CD83: variants seen among roughly 807,000 people sequenced by gnomAD.
CD83 encodes the protein CD83 antigen.
In CD83, 22 loss-of-function variants were observed where a neutral mutation model predicts 24.6. The ratio of observed to expected loss-of-function variants is 0.90; its 90% CI spans 0.64 to 1.28. CD83 has a LOEUF of 1.28. CD83 is among the 50% of genes most tolerant of loss of function. The pLI is 0.00. For missense variants in CD83, 253 were observed against 252.8 expected (o/e 1.00, Z -0.01); for synonymous variants, 101 against 103.5 (o/e 0.98, Z 0.14).
At chr6:14,135,013 G>T in intron 4 of CD83, 95 bp from the exon 5 acceptor site, 1 of 1,286,410 alleles carries the variant, frequency 7.8e-7, no homozygotes, top group Admixed American at 1.8e-5. Flanking sequence ...AGAATGGGTT[G>T]TCTAGCCAGC....
chr6:14,126,260 T>G (rs889390176), intron 2 of CD83, among the ~76,000 whole-genome samples: 5 of 152,236 alleles, frequency 3.3e-5, no homozygotes, highest in African/African-American at 1.2e-4. Flanking sequence ...CTATTTAGTA[T>G]GCAGAATGAA....
In CD83 at chr6:14,136,808, T is replaced by C. The variant is rs1468700782; in HGVS notation, c.*1572T>C. 1 of 152,214 alleles carries C rather than the reference T, an allele frequency of 6.6e-6. No individual in the cohort carries two copies. Among genetic ancestry groups the C allele is most frequent in the Non-Finnish European group, 1.5e-5 (1 of 68,038 alleles). The allele number at this position is 152,214 out of a possible 1,614,324, so 9.4% of individuals were successfully genotyped here. A position where few individuals can be genotyped will look rare whatever the true frequency, so the allele number is the denominator to read the frequency against. On this transcript the variant is annotated 3_prime_UTR_variant, in exon 5 of 5. Coordinates refer to ENST00000379153, the MANE Select transcript of CD83 (RefSeq NM_004233.4). Reference sequence around the variant, plus strand: ...TGAACCCCCATGATGTAAGTTTACCTATGTAACAAACCTGCACTTATACCC... The same window carrying C: ...TGAACCCCCATGATGTAAGTTTACCCATGTAACAAACCTGCACTTATACCC...
At chr6:14,132,806 A>G (rs574171617) in intron 3 of CD83, among the ~76,000 whole-genome samples, 4 of 152,296 alleles carry the variant, frequency 2.6e-5, no homozygotes, top group South Asian at 4.1e-4. Flanking sequence ...ATTGGCTCCA[A>G]TGGCAGAACC....
At chr6:14,121,206 G>C (rs966348859) in intron 2 of CD83, among the ~76,000 whole-genome samples, 1 of 152,036 alleles carries the variant, frequency 6.6e-6, no homozygotes, top group African/African-American at 2.4e-5. Context: ...GTGTCACCCT[G>C]TTTCCCAAGC....
intron 4 of CD83, 56 bp from the exon 5 acceptor site, chr6:14,135,052 G>A: frequency 1.3e-6 from 2 of 1,588,490 alleles, no homozygotes; most frequent in Non-Finnish European, 1.7e-6. Flanking sequence ...AAAAGGAGGT[G>A]ACAACTGCTG....
intron 2 of CD83, among the ~76,000 whole-genome samples, chr6:14,130,719 C>T (rs377317271): frequency 1.3e-5 from 2 of 152,034 alleles, no homozygotes; most frequent in Admixed American, 6.6e-5. Context: ...GGTGATAGAG[C>T]GAGACCCTGT....
chr6:14,117,888 C>T lies in CD83; in HGVS notation c.37+40C>T, dbSNP rs759423526. 2.5e-6 allele frequency: 4 copies of T among 1,579,610 alleles called. No homozygotes were observed. Among genetic ancestry groups the T allele is most frequent in the Non-Finnish European group, 1.7e-6 (2 of 1,167,928 alleles). On this transcript the variant is annotated intron_variant, in intron 1 of 4. Transcript: ENST00000379153. The surrounding 1 kb of genome is among the most constrained non-coding windows in gnomAD (Gnocchi z 4.6). ...CGCCTGTCTCGCCTGTCGCCCCCCG[C>T]CCCTCCACGACACCCCCTCCCGTCG... is the stretch of plus-strand genomic sequence containing the variant.
intron 2 of CD83, among the ~76,000 whole-genome samples, chr6:14,128,661 C>T (rs1260134897): frequency 1.3e-5 from 2 of 152,132 alleles, no homozygotes; most frequent in African/African-American, 2.4e-5. Flanking sequence ...GATATTTTGC[C>T]ATGATCCCAC....
Position 14,131,587 on chromosome 6 carries a change from A to C in CD83, c.221A>C (p.His74Pro), listed in dbSNP as rs1159545659. 6.2e-7 allele frequency: 1 copy of C among 1,614,188 alleles called. No homozygotes were observed. Among genetic ancestry groups the C allele is most frequent in the South Asian group, 1.1e-5 (1 of 91,082 alleles). ...QEDHLRGQHY[H>P]QKGQNGSFDA... The stretch of plus-strand genomic sequence containing the variant: ...GACCACCTCAGGGGACAGCACTATC[A>C]TCAGAAGGGGCAAAATGGTTCTTTC... Residue 74 changes from histidine (H) to proline (P), a missense_variant, in exon 3 of 5, where the codon CAT (histidine) becomes CCT (proline). Coordinates refer to ENST00000379153, the MANE Select transcript of CD83 (RefSeq NM_004233.4).
chr6:14,129,556 C>T lies in CD83; in HGVS notation c.154-1964C>T, dbSNP rs1185826679. On this transcript the variant is annotated intron_variant, in intron 2 of 4. Transcript: ENST00000379153. The surrounding 1 kb of genome is among the most constrained non-coding windows in gnomAD (Gnocchi z 4.3). Reference sequence around the variant, plus strand: ...TGGGCCCCAGTCTTTTAGCTTCCTCCCATAGATTCTTGATTATTTAGGAAG... The same window carrying T: ...TGGGCCCCAGTCTTTTAGCTTCCTCTCATAGATTCTTGATTATTTAGGAAG... Among the ~76,000 whole-genome samples, 1 of 152,134 alleles carries T rather than the reference C, an allele frequency of 6.6e-6. No homozygotes were observed. The highest frequency in any genetic ancestry group is 2.4e-5 in the African/African-American group (1 of 41,418).
chr6:14,128,787 A>G (rs1196611336), intron 2 of CD83, among the ~76,000 whole-genome samples: 1 of 152,208 alleles, frequency 6.6e-6, no homozygotes, highest in African/African-American at 2.4e-5. Flanking sequence ...CCATTTAAAA[A>G]TAACTAGCGG....
chr6:14,117,740 G>C (rs1189713995), upstream of CD83: 1 of 1,132,206 alleles, frequency 8.8e-7, no homozygotes, highest in Non-Finnish European at 1.2e-6. This position sits in a 1 kb window ranked among gnomAD's most constrained non-coding sequence, Gnocchi z 4.6. Flanking sequence ...CCGAACGCGC[G>C]GGCATAAAAG....
At chr6:14,133,818 TC>T (rs1386976306) in intron 4 of CD83, 63 bp downstream of exon 4, 3 of 1,093,812 alleles carry the variant, frequency 2.7e-6, no homozygotes, top group Non-Finnish European at 4.1e-6. Context: ...AATCCAAGTA[TC>T]TCTTGCAGAT....
intron 2 of CD83, among the ~76,000 whole-genome samples, chr6:14,127,687 G>A (rs1759851881): frequency 6.6e-6 from 1 of 152,126 alleles, no homozygotes; most frequent in Non-Finnish European, 1.5e-5. Flanking sequence ...CTCCATTTGA[G>A]AGAAAGAATA....
rs756971699 is a variant in CD83, at chr6:14,135,251, G to C, written c.*15G>C. 4 of 1,612,466 alleles carry C rather than the reference G, an allele frequency of 2.5e-6. No homozygotes were observed. The highest frequency in any genetic ancestry group is 1.7e-5 in the Admixed American group (1 of 59,884). ...AACTGGTATGAGCAGGATTTCTGCA[G>C]GTTCTTCTTCCTGAAGCTGAGGCTC... On this transcript the variant is annotated 3_prime_UTR_variant, in exon 5 of 5. Transcript: ENST00000379153.
At chr6:14,131,375 C>A (rs907927129) in intron 2 of CD83, 145 bp from the exon 3 acceptor site, 11 of 629,456 alleles carry the variant, frequency 1.7e-5, no homozygotes, top group Non-Finnish European at 3.1e-5. Context: ...TTTCCTCCCC[C>A]AGAGGTCACA....
At chr6:14,118,873 C>T (rs529570479) in intron 2 of CD83, among the ~76,000 whole-genome samples, 1 of 152,188 alleles carries the variant, frequency 6.6e-6, no homozygotes, top group African/African-American at 2.4e-5. Flanking sequence ...CCACTGCTAC[C>T]ACAGCACCTC....
chr6:14,120,803 T>C (rs1759653148), intron 2 of CD83, among the ~76,000 whole-genome samples: 1 of 152,274 alleles, frequency 6.6e-6, no homozygotes, highest in Admixed American at 6.5e-5. Context: ...AACCATGTGT[T>C]TTTTATCATA....
chr6:14,133,573 C>T (rs964179986), intron 3 of CD83, 76 bp from the exon 4 acceptor site: 1 of 973,256 alleles, frequency 1.0e-6, no homozygotes, highest in African/African-American at 1.6e-5. Flanking sequence ...GACCAAGGAA[C>T]AAAGCATTCT....
Sources: allele counts gnomAD v4.1 joint callset (sites outside exome capture counted in the v4.1 genomes callset), GRCh38; gene constraint gnomAD v4.1.1; non-coding constraint Gnocchi (gnomAD v3.1); transcripts MANE v1.5; gene names NCBI Gene and HGNC (gene_info 2026-07-23, HGNC 2026-07-21).